Variants in MAP1LC3B2 observed in about 807,000 individuals in gnomAD.
MAP1LC3B2 encodes microtubule associated protein 1 light chain 3 beta 2, also known as microtubule-associated protein 1 light chain 3 beta 2.
For synonymous variants in MAP1LC3B2, 62 were observed against 57.8 expected (o/e 1.07, Z -0.33); for missense variants, 155 against 154.6 (o/e 1.00, Z -0.01).
At chr12:116,560,199 T>TATATAC (rs1566022528) in intron 1 of MAP1LC3B2, 4 of 14,814 alleles carry the variant, frequency 2.7e-4, no homozygotes, top group Middle Eastern at 0.026. Context: ...TATATATATA[T>TATATAC]ATATATATAT....
intron 1 of MAP1LC3B2, among the ~76,000 whole-genome samples, chr12:116,561,809 G>C (rs985173875): frequency 2.6e-5 from 4 of 152,256 alleles, no homozygotes; most frequent in African/African-American, 9.6e-5. Flanking sequence ...GTTGTTGTAA[G>C]GATGGAGCAA....
chr12:116,574,681 A>G (rs896902123), intron 1 of MAP1LC3B2, among the ~76,000 whole-genome samples: 6 of 151,506 alleles, frequency 4.0e-5, no homozygotes, highest in African/African-American at 1.5e-4. Flanking sequence ...ACAAACACAC[A>G]TACACATTTT....
intron 1 of MAP1LC3B2, among the ~76,000 whole-genome samples, chr12:116,573,147 C>T (rs758047864): frequency 1.1e-4 from 16 of 152,186 alleles, no homozygotes; most frequent in Non-Finnish European, 1.9e-4. Context: ...TGTTCTCAAA[C>T]TTCTGATCTT....
chr12:116,570,838 A>G (rs1442315398), intron 1 of MAP1LC3B2, among the ~76,000 whole-genome samples: 1 of 152,232 alleles, frequency 6.6e-6, no homozygotes, highest in Non-Finnish European at 1.5e-5. Context: ...TCAACGTATG[A>G]TAGGTTTACC....
chr12:116,567,982 C>A (rs1374508176), intron 1 of MAP1LC3B2, among the ~76,000 whole-genome samples: 3 of 152,282 alleles, frequency 2.0e-5, no homozygotes, highest in Non-Finnish European at 2.9e-5. Flanking sequence ...ATGCCCAGCA[C>A]AATGCCTGAT....
At chr12:116,572,586 G>A (rs1004808418) in intron 1 of MAP1LC3B2, among the ~76,000 whole-genome samples, 9 of 151,754 alleles carry the variant, frequency 5.9e-5, no homozygotes, top group African/African-American at 2.2e-4. Flanking sequence ...GGATGGTCTC[G>A]AACTCCTGAC....
At chr12:116,575,117 T>A (rs1158901690) in intron 1 of MAP1LC3B2, among the ~76,000 whole-genome samples, 1 of 150,314 alleles carries the variant, frequency 6.7e-6, no homozygotes, top group Non-Finnish European at 1.5e-5. Flanking sequence ...AAGGCGGAGG[T>A]TGCGGTGAGC....
intron 1 of MAP1LC3B2, among the ~76,000 whole-genome samples, chr12:116,564,095 TC>T (rs1487338359): frequency 4.6e-5 from 7 of 152,194 alleles, no homozygotes; most frequent in African/African-American, 1.7e-4. Context: ...TACATTTGGT[TC>T]TTTTTTTATA....
At chr12:116,561,428 G>GCCACCCCAGAGCCAC (rs1282444994) in intron 1 of MAP1LC3B2, among the ~76,000 whole-genome samples, 21 of 152,292 alleles carry the variant, frequency 1.4e-4, no homozygotes, top group African/African-American at 5.1e-4. Context: ...GCCACCCCAG[G>GCCACCCCAGAGCCAC]CTTCTGTTTA....
rs56405000 is a variant in MAP1LC3B2, at chr12:116,566,930, C to CAAAAAAAAAAAA, written c.-102+7527_-102+7538dup. ...TGGGCCACAGAGTGAGACTCTGTCT[C>CAAAAAAAAAAAA]AAAAAAAAAAAAAAAAAAAAAAAAA... On this transcript the variant is annotated intron_variant, in intron 1 of 1. Transcript: ENST00000556529. 1.2e-3 allele frequency among the ~76,000 whole-genome samples: 31 copies of CAAAAAAAAAAAA among 26,764 alleles called. 6 individuals are homozygous for CAAAAAAAAAAAA. Among genetic ancestry groups the CAAAAAAAAAAAA allele is most frequent in the Non-Finnish European group, 1.8e-3 (23 of 12,964 alleles). 17.6% of individuals were successfully genotyped at this position (26,764 alleles called of 152,430 possible).
intron 1 of MAP1LC3B2, among the ~76,000 whole-genome samples, chr12:116,570,007 T>A (rs1211846163): frequency 6.6e-6 from 1 of 152,066 alleles, no homozygotes; most frequent in Non-Finnish European, 1.5e-5. Context: ...GGAGCCGAGA[T>A]CGCGCCACTG....
At chr12:116,560,188 C>CAATATA (rs1491120344) in intron 1 of MAP1LC3B2, 1 of 88,432 alleles carries the variant, frequency 1.1e-5, no homozygotes, top group Non-Finnish European at 2.3e-5. Flanking sequence ...CTAAGTTTGG[C>CAATATA]TATATATATA....
intron 1 of MAP1LC3B2, among the ~76,000 whole-genome samples, chr12:116,561,594 C>T (rs1221756767): frequency 6.6e-6 from 1 of 152,094 alleles, no homozygotes; most frequent in Non-Finnish European, 1.5e-5. Flanking sequence ...AGGGAGGAGT[C>T]GAGGGTCCCT....
intron 1 of MAP1LC3B2, among the ~76,000 whole-genome samples, chr12:116,575,360 T>C (rs771163277): frequency 1.2e-4 from 18 of 152,312 alleles, no homozygotes; most frequent in Non-Finnish European, 2.2e-4. Context: ...TGGAGAGCAG[T>C]GGAGCGGCTA....
chr12:116,567,105 C>T (rs930959244), intron 1 of MAP1LC3B2, among the ~76,000 whole-genome samples: 12 of 151,840 alleles, frequency 7.9e-5, no homozygotes, highest in South Asian at 2.1e-4. Flanking sequence ...CAAGTTAGCT[C>T]TTTGGCTAAT....
At position 116,576,138 on chromosome 12, in the gene MAP1LC3B2, A is replaced by T. The variant is rs985822381; in HGVS notation, c.196A>T (p.Ile66Leu). The T allele has an allele frequency of 3.7e-6, 6 of 1,614,052 alleles. No individual in the cohort carries two copies. In the African/African-American group the frequency reaches 6.7e-5, roughly 18 times the overall value. The change falls in exon 2 of 2, where the codon ATA becomes TTA. Residue 66 changes from isoleucine (I) to leucine (L), a missense_variant. Transcript: ENST00000556529. ...TGTCAACATGAGTGAGCTCATCAAG[A>T]TAATTAGAAGGCGCTTACAGCTCAA... ...DHVNMSELIKIIRRRLQLNAN... is the reference protein window; with the variant it reads ...DHVNMSELIKLIRRRLQLNAN...
At chr12:116,566,999 A>T (rs1477522274) in intron 1 of MAP1LC3B2, among the ~76,000 whole-genome samples, 1 of 145,540 alleles carries the variant, frequency 6.9e-6, no homozygotes, top group Non-Finnish European at 1.5e-5. Flanking sequence ...GCAGGATAAA[A>T]CTTTTCTGTA....
intron 1 of MAP1LC3B2, among the ~76,000 whole-genome samples, chr12:116,567,773 T>C (rs1164916731): frequency 1.3e-5 from 2 of 151,276 alleles, no homozygotes. Flanking sequence ...AAAATATATA[T>C]ATATATGTAA....
intron 1 of MAP1LC3B2, among the ~76,000 whole-genome samples, chr12:116,575,591 C>T (rs1869651419): frequency 6.6e-6 from 1 of 152,018 alleles, no homozygotes; most frequent in Non-Finnish European, 1.5e-5. Context: ...AGAAGGCACC[C>T]CAGTTAGGCA....
Sources: gnomAD v4.1 joint callset for allele counts (sites outside exome capture counted in the v4.1 genomes callset) on GRCh38, gnomAD v4.1.1 for gene constraint, MANE v1.5 for transcripts, NCBI Gene and HGNC (gene_info 2026-07-23, HGNC 2026-07-21) for gene names.